Variants in CEP112 observed in about 807,000 individuals in gnomAD.
CEP112 encodes centrosomal protein of 112 kDa.
A neutral mutation model predicts 153.0 loss-of-function variants in CEP112; 127 were observed. That is an observed-to-expected ratio of 0.83 (90% CI 0.72 to 0.96). The LOEUF (loss-of-function observed/expected upper bound fraction) is 0.96. Among genes scored for constraint, CEP112 ranks in the 40% least tolerant of loss-of-function variants. CEP112 has a pLI of 0.00. For synonymous variants in CEP112, 358 were observed against 374.4 expected, an observed-to-expected ratio of 0.96 and a Z score of 0.51; for missense variants, 1,089 against 1,101.2, an observed-to-expected ratio of 0.99 and a Z score of 0.16.
At chr17:65,669,715 A>G (rs1322208361) in intron 24 of CEP112, among the ~76,000 whole-genome samples, 3 of 152,126 alleles carry the variant, frequency 2.0e-5, no homozygotes, top group Non-Finnish European at 4.4e-5. Flanking sequence ...CATCCTGGCT[A>G]ACACGGTGAA....
chr17:65,638,152 C>T (rs1007813163), intron 25 of CEP112, among the ~76,000 whole-genome samples: 2 of 152,214 alleles, frequency 1.3e-5, no homozygotes, highest in South Asian at 2.1e-4. Flanking sequence ...ACCCCCAGAC[C>T]GCCATTCTTA....
intron 20 of CEP112, among the ~76,000 whole-genome samples, chr17:65,892,459 A>G (rs115388428): frequency 0.017 from 2,541 of 152,046 alleles, 81 homozygotes; most frequent in African/African-American, 0.058. Context: ...TTACTCTACT[A>G]CTCTTGTTCC....
At chr17:65,679,818 G>C (rs1302688468) in intron 24 of CEP112, among the ~76,000 whole-genome samples, 1 of 152,100 alleles carries the variant, frequency 6.6e-6, no homozygotes, top group Non-Finnish European at 1.5e-5. Context: ...TAGATCACTG[G>C]GCATTGTGGG....
intron 24 of CEP112, among the ~76,000 whole-genome samples, chr17:65,650,070 A>G (rs954069112): frequency 3.3e-5 from 5 of 152,206 alleles, no homozygotes; most frequent in Admixed American, 1.3e-4. Context: ...TGGCCTCTGG[A>G]ATACCAGACA....
At chr17:66,096,430 C>T in intron 7 of CEP112, 102 bp from the exon 8 acceptor site, 2 of 1,201,804 alleles carry the variant, frequency 1.7e-6, no homozygotes, top group South Asian at 2.7e-5. Context: ...CAAAATAGTA[C>T]TAACACTGCA....
intron 24 of CEP112, among the ~76,000 whole-genome samples, chr17:65,685,349 A>AT (rs1567861256): frequency 6.6e-6 from 1 of 152,232 alleles, no homozygotes; most frequent in African/African-American, 2.4e-5. Context: ...CCATTTAAAC[A>AT]TTTTTAAAGC....
chr17:65,986,982 T>C lies in CEP112; in HGVS notation c.1736+18708A>G, dbSNP rs138223991. Among the ~76,000 whole-genome samples the C allele has an allele frequency of 2.3e-3, 345 of 152,206 alleles. 2 individuals are homozygous for C. The highest frequency in any genetic ancestry group is 7.1e-3 in the African/African-American group (296 of 41,550). ...TTAAATAAACGAAACACCAAGACTT[T>C]ACAAAATCTCCCTTATTCATTATTG... is the stretch of plus-strand genomic sequence containing the variant. On this transcript the variant is annotated intron_variant, in intron 17 of 26. Transcript: ENST00000535342.
intron 23 of CEP112, among the ~76,000 whole-genome samples, chr17:65,718,144 G>A (rs1056568669): frequency 6.6e-6 from 1 of 152,096 alleles, no homozygotes; most frequent in African/African-American, 2.4e-5. Flanking sequence ...GGTGGCTCAC[G>A]CCTGTAATCC....
intron 23 of CEP112, among the ~76,000 whole-genome samples, chr17:65,725,798 C>T (rs2050144845): frequency 6.6e-6 from 1 of 152,118 alleles, no homozygotes; most frequent in African/African-American, 2.4e-5. Context: ...TATTCATTAC[C>T]ACTAGAACAG....
intron 21 of CEP112, among the ~76,000 whole-genome samples, chr17:65,761,582 A>C (rs2052614125): frequency 6.6e-6 from 1 of 152,108 alleles, no homozygotes; most frequent in African/African-American, 2.4e-5. Context: ...CTATCACATA[A>C]ATTTTGGTAA....
At chr17:66,105,691 G>A (rs2068753512) in intron 6 of CEP112, among the ~76,000 whole-genome samples, 1 of 152,098 alleles carries the variant, frequency 6.6e-6, no homozygotes, top group Non-Finnish European at 1.5e-5. Context: ...CTACTTGGGA[G>A]GCTGAGGTGG....
rs544086011 is a variant in CEP112, at chr17:65,696,679, CAAG to C, written c.2608-7464_2608-7462del. Among the ~76,000 whole-genome samples the C allele has an allele frequency of 1.2e-4, 18 of 152,132 alleles. No homozygotes were observed. In the South Asian group the frequency reaches 3.5e-3, roughly 30 times the overall value. ...AGAGTATTTATACTGAAGATGCTGC[CAAG>C]AAGAAGTCACCCTGGCAAACTGCGG... On this transcript the variant is annotated intron_variant, in intron 23 of 26. Transcript: ENST00000535342.
At chr17:66,070,931 T>C (rs752516294) in intron 8 of CEP112, among the ~76,000 whole-genome samples, 37 of 152,134 alleles carry the variant, frequency 2.4e-4, no homozygotes, top group East Asian at 3.8e-4. Flanking sequence ...AAAGTATCCT[T>C]ACCTCAGTGG....
chr17:66,043,144 T>C (rs2066056886), intron 12 of CEP112: 1 of 862,330 alleles, frequency 1.2e-6, no homozygotes, highest in Admixed American at 6.2e-5. Flanking sequence ...TGTCGCTGAA[T>C]TTGAATTTTT....
At chr17:65,737,893 G>A (rs898285824) in intron 23 of CEP112, among the ~76,000 whole-genome samples, 2 of 152,210 alleles carry the variant, frequency 1.3e-5, no homozygotes, top group African/African-American at 4.8e-5. Context: ...CTTCTAAGGA[G>A]GTGCATTCAG....
chr17:66,066,556 T>A (rs1033606294), intron 10 of CEP112, among the ~76,000 whole-genome samples: 2 of 129,244 alleles, frequency 1.5e-5, no homozygotes, highest in Non-Finnish European at 3.2e-5. Context: ...ACTCCATCAC[T>A]GTCACTACAC....
chr17:65,747,244 G>A (rs1350194987), intron 22 of CEP112, among the ~76,000 whole-genome samples: 4 of 152,164 alleles, frequency 2.6e-5, no homozygotes, highest in African/African-American at 7.2e-5. Flanking sequence ...GAACACTGAC[G>A]CTCCTCACAA....
chr17:65,909,526 T>C (rs911986548), intron 19 of CEP112, among the ~76,000 whole-genome samples: 1 of 152,230 alleles, frequency 6.6e-6, no homozygotes, highest in Admixed American at 6.5e-5. Flanking sequence ...ACCCTGATAG[T>C]TGGTCATTCA....
intron 22 of CEP112, among the ~76,000 whole-genome samples, chr17:65,745,786 T>G (rs2051413924): frequency 6.6e-6 from 1 of 152,058 alleles, no homozygotes; most frequent in South Asian, 2.1e-4. Flanking sequence ...ATTTTTTCTT[T>G]AAAAAATACT....
Sources: allele counts gnomAD v4.1 joint callset (sites outside exome capture counted in the v4.1 genomes callset), GRCh38; gene constraint gnomAD v4.1.1; transcripts MANE v1.5; gene names NCBI Gene and HGNC (gene_info 2026-07-23, HGNC 2026-07-21).